Variants in MARCHF3 observed in about 807,000 individuals in gnomAD.
The protein encoded by MARCHF3 is membrane associated ring-CH-type finger 3.
In MARCHF3, 13 loss-of-function variants were observed where a neutral mutation model predicts 24.2. The observed-to-expected ratio is 0.54, with a 90% CI of 0.35 to 0.85. The LOEUF (loss-of-function observed/expected upper bound fraction) is 0.85. Among genes scored for constraint, MARCHF3 ranks in the 40% least tolerant of loss-of-function variants. MARCHF3 has a pLI of 0.01. For missense variants in MARCHF3, 276 were observed against 325.0 expected, an observed-to-expected ratio of 0.85 and a Z score of 1.16; for synonymous variants, 144 against 137.3, an observed-to-expected ratio of 1.05 and a Z score of -0.34.
intron 3 of MARCHF3, among the ~76,000 whole-genome samples, chr5:126,913,053 C>G (rs1754595792): frequency 6.6e-6 from 1 of 152,214 alleles, no homozygotes; most frequent in South Asian, 2.1e-4. Flanking sequence ...GTGACCTGAC[C>G]TCAGCAACTC....
intron 1 of MARCHF3, among the ~76,000 whole-genome samples, chr5:126,971,397 C>A (rs1751003269): frequency 6.8e-6 from 1 of 147,678 alleles, no homozygotes; most frequent in Non-Finnish European, 1.5e-5. Flanking sequence ...TGCAGTGAGC[C>A]GAGGTCGCGC....
At position 126,917,981 on chromosome 5, in the gene MARCHF3, T is replaced by C. The variant is rs375658760; in HGVS notation, c.188+3A>G. ...GATTCATTTATTTTAATTGTGGTAC[T>C]ACCTCTGGGTGGCAAGAGTCCGCAC... On this transcript the variant is annotated splice_donor_region_variant and intron_variant, in intron 2 of 4. Coordinates refer to ENST00000308660, the MANE Select transcript of MARCHF3 (RefSeq NM_178450.5). 1 of 1,612,308 alleles carries C rather than the reference T, an allele frequency of 6.2e-7. No individual in the cohort carries two copies. Among genetic ancestry groups the C allele is most frequent in the Non-Finnish European group, 8.5e-7 (1 of 1,179,156 alleles).
At chr5:126,969,447 G>A (rs1750925373) in intron 1 of MARCHF3, among the ~76,000 whole-genome samples, 1 of 152,136 alleles carries the variant, frequency 6.6e-6, no homozygotes, top group African/African-American at 2.4e-5. Context: ...ACATGTTTAG[G>A]AGGAGCCCCT....
At chr5:126,885,062 C>G (rs555857382) in intron 3 of MARCHF3, among the ~76,000 whole-genome samples, 4 of 152,140 alleles carry the variant, frequency 2.6e-5, no homozygotes, top group Non-Finnish European at 5.9e-5. Flanking sequence ...TCAGCTCAAA[C>G]GGCACCTTCT....
chr5:126,931,553 T>A (rs1749479078), intron 1 of MARCHF3, among the ~76,000 whole-genome samples: 1 of 146,462 alleles, frequency 6.8e-6, no homozygotes, highest in East Asian at 2.0e-4. Flanking sequence ...AAGCATATCC[T>A]CTAATACATA....
intron 3 of MARCHF3, among the ~76,000 whole-genome samples, chr5:126,896,182 T>C (rs1252791452): frequency 6.6e-6 from 1 of 152,150 alleles, no homozygotes. Flanking sequence ...GCACGGTGCG[T>C]GCACCCACTG....
intron 3 of MARCHF3, among the ~76,000 whole-genome samples, chr5:126,908,608 C>T (rs1001151391): frequency 2.9e-4 from 44 of 152,202 alleles, no homozygotes; most frequent in African/African-American, 6.5e-4. Flanking sequence ...TCCAGTTGAT[C>T]GCATCGGCTC....
chr5:126,890,003 T>C (rs1753629441), intron 3 of MARCHF3, among the ~76,000 whole-genome samples: 1 of 152,142 alleles, frequency 6.6e-6, no homozygotes, highest in African/African-American at 2.4e-5. Context: ...CATCCTCACA[T>C]CTAGATTAGT....
rs118084792 is a variant in MARCHF3, at chr5:126,880,262, C to T, written c.394-1868G>A. ...CATGAATCCCCAACACTCCACCTTT[C>T]AGGGACAAGCCACCTTAAACACGGG... is the stretch of plus-strand genomic sequence containing the variant. On this transcript the variant is annotated intron_variant, in intron 3 of 4. Transcript: ENST00000308660. Among the ~76,000 whole-genome samples the T allele has an allele frequency of 5.3e-3, 808 of 152,272 alleles. 5 individuals carry two copies. Among genetic ancestry groups the T allele is most frequent in the East Asian group, 0.025 (127 of 5,178 alleles).
chr5:127,028,713 T>C (rs187557527), intron 1 of MARCHF3, among the ~76,000 whole-genome samples: 1 of 152,134 alleles, frequency 6.6e-6, no homozygotes, highest in Admixed American at 6.5e-5. Flanking sequence ...TGGAGGGATT[T>C]TTTTTTCTCT....
At chr5:126,905,994 A>C (rs1410607946) in intron 3 of MARCHF3, among the ~76,000 whole-genome samples, 2 of 151,886 alleles carry the variant, frequency 1.3e-5, no homozygotes, top group African/African-American at 4.8e-5. Context: ...CGTCCCATCA[A>C]TACCTAATTT....
intron 1 of MARCHF3, among the ~76,000 whole-genome samples, chr5:126,995,290 A>G (rs1205375305): frequency 2.0e-5 from 3 of 152,216 alleles, no homozygotes; most frequent in Admixed American, 1.3e-4. Context: ...GAGCCAATGT[A>G]CCAGTGTGCA....
At chr5:126,890,511 C>T (rs1365800144) in intron 3 of MARCHF3, among the ~76,000 whole-genome samples, 9 of 148,288 alleles carry the variant, frequency 6.1e-5, no homozygotes, top group Non-Finnish European at 8.9e-5. Flanking sequence ...TTGTTCAATC[C>T]CCACCTATGA....
At chr5:126,968,391 C>T (rs1160197141) in intron 1 of MARCHF3, among the ~76,000 whole-genome samples, 1 of 152,148 alleles carries the variant, frequency 6.6e-6, no homozygotes, top group Admixed American at 6.5e-5. Context: ...AAATTCTTGT[C>T]AATATTTGTT....
chr5:126,888,446 C>T (rs1753568516), intron 3 of MARCHF3, among the ~76,000 whole-genome samples: 1 of 152,224 alleles, frequency 6.6e-6, no homozygotes, highest in South Asian at 2.1e-4. Context: ...AGGATTAGAT[C>T]AGTGGCACAA....
intron 1 of MARCHF3, among the ~76,000 whole-genome samples, chr5:126,938,228 C>A (rs1749711623): frequency 7.1e-6 from 1 of 141,752 alleles, no homozygotes. Context: ...GGTACAGAGG[C>A]TCAATCTTGG....
chr5:126,882,203 T>C (rs949758859), intron 3 of MARCHF3, among the ~76,000 whole-genome samples: 2 of 152,246 alleles, frequency 1.3e-5, no homozygotes, highest in Non-Finnish European at 2.9e-5. Flanking sequence ...CATTTTCTTT[T>C]TGTACCAAAT....
rs1364545829 is a variant in MARCHF3, at chr5:126,867,987, G to C, written c.*2646C>G. ...GAATCACAGCAAGGAGTGTGGAAGA[G>C]GGAGTTTTTTTAAAAAGTCAGTTAA... On this transcript the variant is annotated 3_prime_UTR_variant, in exon 5 of 5. Coordinates refer to ENST00000308660, the MANE Select transcript of MARCHF3 (RefSeq NM_178450.5). 1 of 152,170 alleles carries C rather than the reference G, an allele frequency of 6.6e-6. No individual in the cohort carries two copies. The highest frequency in any genetic ancestry group is 2.4e-5 in the African/African-American group (1 of 41,430). 9.4% of individuals were successfully genotyped at this position (152,170 alleles called of 1,614,324 possible). A position where few individuals can be genotyped will look rare whatever the true frequency, so the allele number is the denominator to read the frequency against.
At chr5:126,880,307 CAGTTTCACCTCGA>C (rs1159164709) in intron 3 of MARCHF3, among the ~76,000 whole-genome samples, 1 of 152,148 alleles carries the variant, frequency 6.6e-6, no homozygotes, top group Non-Finnish European at 1.5e-5. Context: ...TGAATACAGT[CAGTTTCACCTCGA>C]AAGTGGACAC....
Sources: allele counts gnomAD v4.1 joint callset (sites outside exome capture counted in the v4.1 genomes callset), GRCh38; gene constraint gnomAD v4.1.1; transcripts MANE v1.5; gene names NCBI Gene and HGNC (gene_info 2026-07-23, HGNC 2026-07-21).